EIF4G3: variants seen among roughly 807,000 people sequenced by gnomAD.
EIF4G3 encodes eIF-4-gamma 3.
In EIF4G3, 34 loss-of-function variants were observed where a neutral mutation model predicts 186.4. The observed-to-expected ratio is 0.18, with a 90% CI of 0.14 to 0.24. The LOEUF is 0.24. Ranked by LOEUF, EIF4G3 falls within the 10% of genes least tolerant of loss-of-function variation. EIF4G3 has a pLI of 1.00. For missense variants in EIF4G3, 1,536 were observed against 1,948.5 expected (o/e 0.79, Z 3.99); for synonymous variants, 673 against 679.5 (o/e 0.99, Z 0.15).
chr1:20,849,702 T>G (rs2072615820), intron 28 of EIF4G3, among the ~76,000 whole-genome samples, 172 bp from the exon 29 acceptor site: 1 of 152,194 alleles, frequency 6.6e-6, no homozygotes, highest in Non-Finnish European at 1.5e-5. Context: ...TCGCACTAAG[T>G]AACTTTATAA....
intron 2 of EIF4G3, among the ~76,000 whole-genome samples, chr1:21,145,771 T>C (rs2102722772): frequency 6.6e-6 from 1 of 152,110 alleles, no homozygotes; most frequent in Middle Eastern, 3.4e-3. Flanking sequence ...ATCACAAAAT[T>C]CTCAAAGGCT....
At chr1:20,883,014 C>A (rs2082894035) in intron 19 of EIF4G3, among the ~76,000 whole-genome samples, 1 of 150,116 alleles carries the variant, frequency 6.7e-6, no homozygotes, top group East Asian at 2.0e-4. Flanking sequence ...CCCAGCAGGT[C>A]AAGGCTACAG....
At chr1:21,039,746 T>C (rs1297367391) in intron 4 of EIF4G3, among the ~76,000 whole-genome samples, 4 of 152,132 alleles carry the variant, frequency 2.6e-5, no homozygotes, top group Non-Finnish European at 4.4e-5. Flanking sequence ...ATAAAATATA[T>C]ATAAATCACA....
chr1:21,087,201 G>A (rs1462768715), intron 3 of EIF4G3, among the ~76,000 whole-genome samples: 1 of 152,084 alleles, frequency 6.6e-6, no homozygotes, highest in East Asian at 1.9e-4. Flanking sequence ...AGGAATAAAT[G>A]GTATGTTGAA....
intron 23 of EIF4G3, among the ~76,000 whole-genome samples, chr1:20,861,562 G>T (rs2076344285): frequency 6.6e-6 from 1 of 152,178 alleles, no homozygotes; most frequent in Non-Finnish European, 1.5e-5. Context: ...AAAATGTAAG[G>T]CTCAGAGAGT....
At chr1:21,052,976 A>G (rs1027213521) in intron 3 of EIF4G3, among the ~76,000 whole-genome samples, 2 of 151,614 alleles carry the variant, frequency 1.3e-5, no homozygotes, top group African/African-American at 4.8e-5. Context: ...CAAAGTGCCG[A>G]GATTGCAGCC....
At chr1:20,923,047 T>G (rs1288075816) in intron 14 of EIF4G3, among the ~76,000 whole-genome samples, 1 of 151,832 alleles carries the variant, frequency 6.6e-6, no homozygotes, top group African/African-American at 2.4e-5. Flanking sequence ...TTACAGAGAG[T>G]AAAGGTTGGG....
At position 21,176,159 on chromosome 1, in the gene EIF4G3, A is replaced by T. The variant is rs1262907137; in HGVS notation, c.-272+16T>A. ...CGACGAGAACCGAAGGGCCGACAGG[A>T]AGGTGAAAAGGATACTGTTGGGGCG... is the stretch of plus-strand genomic sequence containing the variant. On this transcript the variant is annotated intron_variant, in intron 2 of 36. Transcript: ENST00000602326. The T allele has an allele frequency of 5.1e-6, 2 of 389,580 alleles. No homozygotes were observed. The highest frequency in any genetic ancestry group is 4.2e-5 in the African/African-American group (2 of 47,168). The allele number at this position is 389,580 out of a possible 1,614,324, so 24.1% of individuals were successfully genotyped here.
chr1:20,981,258 T>C (rs751638509), intron 8 of EIF4G3, 31 bp from the exon 9 acceptor site: 2 of 1,514,292 alleles, frequency 1.3e-6, no homozygotes, highest in Admixed American at 4.3e-5. Context: ...AAATTTTTTT[T>C]TTTTTTTAAC....
In EIF4G3 at chr1:21,058,705, TTCTCTC is replaced by T. The variant is rs201736670; in HGVS notation, c.-195-7717_-195-7712del. On this transcript the variant is annotated intron_variant, in intron 3 of 36. Transcript: ENST00000602326. ...CCATGCCCAGTAATTTTTCTTCTTCTTCTCTCTCTCTCTCTTTTTTTTTTTTTTTTT... is the reference window on the plus strand; with the variant it reads ...CCATGCCCAGTAATTTTTCTTCTTCTTCTCTCTCTTTTTTTTTTTTTTTTT... Among the ~76,000 whole-genome samples, 7 of 131,540 alleles carry T rather than the reference TTCTCTC, an allele frequency of 5.3e-5. No individual in the cohort carries two copies. In the South Asian group the frequency reaches 1.4e-3, roughly 26 times the overall value. 86.3% of individuals were successfully genotyped at this position (131,540 alleles called of 152,430 possible). A position where few individuals can be genotyped will look rare whatever the true frequency, so the allele number is the denominator to read the frequency against.
chr1:21,057,590 G>T (rs553425624), intron 3 of EIF4G3, among the ~76,000 whole-genome samples: 1 of 151,866 alleles, frequency 6.6e-6, no homozygotes, highest in South Asian at 2.1e-4. Context: ...TTTTAAAGCT[G>T]GTTTAAAATT....
intron 2 of EIF4G3, among the ~76,000 whole-genome samples, chr1:21,108,993 G>A (rs974609922): frequency 1.3e-5 from 2 of 151,642 alleles, no homozygotes; most frequent in Admixed American, 1.3e-4. Context: ...TGAGGCGGGT[G>A]GATCGCATGA....
At chr1:20,825,828 G>A (rs910404846) in intron 32 of EIF4G3, among the ~76,000 whole-genome samples, 19 of 152,188 alleles carry the variant, frequency 1.2e-4, no homozygotes, top group African/African-American at 4.3e-4. Context: ...AATGAGAAGT[G>A]TTTCAAGGGC....
chr1:21,085,342 A>G (rs943869545), intron 3 of EIF4G3, among the ~76,000 whole-genome samples: 4 of 152,264 alleles, frequency 2.6e-5, no homozygotes, highest in African/African-American at 9.6e-5. Context: ...GTACTTTTTG[A>G]AAAAACTATA....
chr1:21,060,068 C>T (rs1323414349), intron 3 of EIF4G3, among the ~76,000 whole-genome samples: 1 of 152,242 alleles, frequency 6.6e-6, no homozygotes, highest in Non-Finnish European at 1.5e-5. Context: ...CCTCCCACTT[C>T]AGCCTCCTGA....
At chr1:20,841,164 T>C in intron 29 of EIF4G3, 136 bp from the exon 30 acceptor site, 1 of 786,476 alleles carries the variant, frequency 1.3e-6, no homozygotes, top group South Asian at 2.2e-5. Flanking sequence ...AAATATAAGT[T>C]TATATTTGTT....
At chr1:21,106,239 A>T (rs2096615825) in intron 2 of EIF4G3, among the ~76,000 whole-genome samples, 2 of 152,118 alleles carry the variant, frequency 1.3e-5, no homozygotes, top group Non-Finnish European at 2.9e-5. Flanking sequence ...GATCCATAAT[A>T]GCACTGTTAA....
At chr1:21,113,816 A>G (rs2102237731) in intron 2 of EIF4G3, among the ~76,000 whole-genome samples, 1 of 152,230 alleles carries the variant, frequency 6.6e-6, no homozygotes, top group East Asian at 1.9e-4. Context: ...AGAGTTTGAG[A>G]CTATCCTGAG....
At chr1:20,911,560 C>CAAAA (rs60071144) in intron 14 of EIF4G3, among the ~76,000 whole-genome samples, 9 of 40,714 alleles carry the variant, frequency 2.2e-4, no homozygotes, top group Admixed American at 4.1e-4. Context: ...GACCCTGCCT[C>CAAAA]AAAAAAAAAA....
Sources: gnomAD v4.1 joint callset for allele counts (sites outside exome capture counted in the v4.1 genomes callset) on GRCh38, gnomAD v4.1.1 for gene constraint, MANE v1.5 for transcripts, NCBI Gene and HGNC (gene_info 2026-07-23, HGNC 2026-07-21) for gene names.